CUBN: variants seen among roughly 807,000 people sequenced by gnomAD.
CUBN encodes the protein 460 kDa receptor.
A neutral mutation model predicts 405.3 loss-of-function variants in CUBN; 282 were observed. The observed-to-expected ratio is 0.70, with a 90% CI of 0.63 to 0.77. CUBN has a LOEUF of 0.77. CUBN is among the 30% of genes least tolerant of loss of function. The probability of loss-of-function intolerance (pLI) is 0.00; values close to 1 mark genes in which losing one functional copy is unlikely to be tolerated. For missense variants in CUBN, 4,514 were observed against 4,475.2 expected (o/e 1.01, Z -0.25); for synonymous variants, 1,684 against 1,617.0 (o/e 1.04, Z -0.99).
At chr10:16,838,742 T>A (rs1839252547) in intron 62 of CUBN, among the ~76,000 whole-genome samples, 1 of 152,198 alleles carries the variant, frequency 6.6e-6, no homozygotes, top group Non-Finnish European at 1.5e-5. Context: ...CTTCCCAGGT[T>A]CAAGCGATTC....
intron 31 of CUBN, among the ~76,000 whole-genome samples, chr10:16,965,365 G>T (rs1052001150): frequency 6.6e-6 from 1 of 152,120 alleles, no homozygotes; most frequent in Non-Finnish European, 1.5e-5. Flanking sequence ...CAGTAATCAC[G>T]CATGCTTTGC....
chr10:16,956,396 A>G (rs1201348165), intron 31 of CUBN, among the ~76,000 whole-genome samples: 1 of 152,052 alleles, frequency 6.6e-6, no homozygotes, highest in Non-Finnish European at 1.5e-5. Context: ...ATTGATTAAA[A>G]ACTAAATTCC....
At chr10:16,980,225 C>T (rs530519384) in intron 31 of CUBN, among the ~76,000 whole-genome samples, 15 of 152,270 alleles carry the variant, frequency 9.9e-5, no homozygotes, top group African/African-American at 3.1e-4. Flanking sequence ...GAAATAGGAA[C>T]GTTTTTACTC....
At chr10:16,894,788 G>A (rs1402801012) in intron 54 of CUBN, among the ~76,000 whole-genome samples, 2 of 152,180 alleles carry the variant, frequency 1.3e-5, no homozygotes, top group Non-Finnish European at 2.9e-5. Flanking sequence ...ATTTTGGGGA[G>A]AAGGGACATC....
intron 31 of CUBN, among the ~76,000 whole-genome samples, chr10:16,960,036 A>T (rs1220024138): frequency 6.6e-6 from 1 of 152,250 alleles, no homozygotes; most frequent in African/African-American, 2.4e-5. Flanking sequence ...GCCACAAAAT[A>T]AAAAGTGGCC....
intron 56 of CUBN, among the ~76,000 whole-genome samples, chr10:16,884,640 C>T (rs1245911379): frequency 2.6e-5 from 4 of 152,034 alleles, no homozygotes; most frequent in Non-Finnish European, 4.4e-5. Flanking sequence ...TTGTGGTAAG[C>T]GGAAAGTAGG....
intron 59 of CUBN, among the ~76,000 whole-genome samples, chr10:16,863,803 C>T (rs1382400600): frequency 6.6e-6 from 1 of 151,486 alleles, no homozygotes; most frequent in Non-Finnish European, 1.5e-5. Flanking sequence ...TTCCTGTTTC[C>T]TTCTTTTTTA....
chr10:16,916,817 T>G (rs1841897657), intron 45 of CUBN, among the ~76,000 whole-genome samples: 1 of 147,300 alleles, frequency 6.8e-6, no homozygotes, highest in African/African-American at 2.5e-5. Flanking sequence ...TCTTTTTCTT[T>G]CTTTTTTTTT....
At chr10:16,828,489 G>A (rs1386447355) in intron 66 of CUBN, among the ~76,000 whole-genome samples, 1 of 152,128 alleles carries the variant, frequency 6.6e-6, no homozygotes, top group Non-Finnish European at 1.5e-5. Context: ...AGGCCCAAGC[G>A]GGTGGATCAC....
At chr10:17,012,718 T>G (rs1834217893) in intron 28 of CUBN, among the ~76,000 whole-genome samples, 1 of 152,216 alleles carries the variant, frequency 6.6e-6, no homozygotes, top group Non-Finnish European at 1.5e-5. Flanking sequence ...AGATGGCTCC[T>G]TCCTGATTCT....
intron 48 of CUBN, among the ~76,000 whole-genome samples, chr10:16,907,933 A>G (rs1345147400): frequency 6.6e-6 from 1 of 152,188 alleles, no homozygotes; most frequent in Non-Finnish European, 1.5e-5. Context: ...ATAGATTAAA[A>G]GCTGCTATAC....
intron 56 of CUBN, among the ~76,000 whole-genome samples, chr10:16,886,663 C>T (rs1424330672): frequency 6.6e-6 from 1 of 152,172 alleles, no homozygotes; most frequent in African/African-American, 2.4e-5. Flanking sequence ...GGAGAATGAA[C>T]ACAGAGGGCA....
At chr10:17,097,079 A>T (rs553157847) in intron 14 of CUBN, among the ~76,000 whole-genome samples, 2 of 152,246 alleles carry the variant, frequency 1.3e-5, no homozygotes, top group Admixed American at 1.3e-4. Flanking sequence ...AAAATAACAC[A>T]AGGGAAGAAA....
At chr10:16,957,865 C>T (rs1450673694) in intron 31 of CUBN, among the ~76,000 whole-genome samples, 1 of 137,738 alleles carries the variant, frequency 7.3e-6, no homozygotes, top group African/African-American at 2.7e-5. Flanking sequence ...ACTAGTGGAA[C>T]AATGGGTTCT....
intron 14 of CUBN, among the ~76,000 whole-genome samples, chr10:17,092,810 G>A (rs184714098): frequency 4.5e-4 from 68 of 152,230 alleles, no homozygotes; most frequent in African/African-American, 1.6e-3. Flanking sequence ...CAAAATAACT[G>A]TAAGTATACT....
chr10:17,123,671 A>T lies in CUBN; in HGVS notation c.406T>A (p.Cys136Ser). The change falls in exon 5 of 67, where the codon TGC becomes AGC. Residue 136 changes from cysteine to serine, a missense_variant. This residue lies in a region of CUBN where 1,448 missense variants were observed against 1,388.0 expected (regional missense o/e 1.04). Transcript: ENST00000377833. The part of the protein sequence containing the change: ...GLQQTVDKKV[C>S]SSNPCQNGGT... ...CCATTCTGGCAAGGATTGCTGCTGC[A>T]AACCTTTTTGTCAACAGTCTGAAAC... is the stretch of plus-strand genomic sequence containing the variant. 6.2e-7 allele frequency: 1 copy of T among 1,613,880 alleles called. No individual in the cohort carries two copies. Among genetic ancestry groups the T allele is most frequent in the Non-Finnish European group, 8.5e-7 (1 of 1,179,884 alleles).
At chr10:17,015,781 C>A (rs551214092) in intron 28 of CUBN, among the ~76,000 whole-genome samples, 2 of 152,098 alleles carry the variant, frequency 1.3e-5, no homozygotes, top group Non-Finnish European at 2.9e-5. Flanking sequence ...GACGAGGGGG[C>A]GGCTTGTTTC....
intron 49 of CUBN, 71 bp downstream of exon 49, chr10:16,907,434 GCCA>G (rs1841583643): frequency 6.9e-6 from 10 of 1,454,590 alleles, no homozygotes. Context: ...TGGCTCTGCT[GCCA>G]TTGGCAGTAG....
chr10:17,077,058 T>C (rs150565818), intron 17 of CUBN, among the ~76,000 whole-genome samples: 4 of 152,366 alleles, frequency 2.6e-5, no homozygotes, highest in Non-Finnish European at 5.9e-5. Flanking sequence ...CATGCCGTGA[T>C]CACTTGCAGA....
Sources: gnomAD v4.1 joint callset for allele counts (sites outside exome capture counted in the v4.1 genomes callset) on GRCh38, gnomAD v4.1.1 for gene constraint, gnomAD v4.1.1 regional missense constraint, MANE v1.5 for transcripts, NCBI Gene and HGNC (gene_info 2026-07-23, HGNC 2026-07-21) for gene names.